CRYZL1: variants seen among roughly 807,000 people sequenced by gnomAD.
The protein encoded by CRYZL1 is ferry endosomal RAB5 effector complex subunit 4.
Under a neutral mutation model 50.6 loss-of-function variants are expected in CRYZL1, and 34 were observed. That is an observed-to-expected ratio of 0.67 (90% CI 0.51 to 0.89). The LOEUF is 0.89. CRYZL1 is among the 40% of genes least tolerant of loss of function. The probability of loss-of-function intolerance (pLI) is 0.00; values close to 1 mark genes in which losing one functional copy is unlikely to be tolerated. For missense variants in CRYZL1, 354 were observed against 402.3 expected, an observed-to-expected ratio of 0.88 and a Z score of 1.03; for synonymous variants, 125 against 134.3, an observed-to-expected ratio of 0.93 and a Z score of 0.48.
At chr21:33,617,944 C>A in intron 4 of CRYZL1, among the ~76,000 whole-genome samples, 1 of 152,116 alleles carries the variant, frequency 6.6e-6, no homozygotes, top group East Asian at 1.9e-4. Flanking sequence ...GTTAAAATTA[C>A]TTTGATTTGG....
intron 1 of CRYZL1, among the ~76,000 whole-genome samples, chr21:33,632,671 C>T (rs978239611): frequency 2.0e-5 from 3 of 152,186 alleles, no homozygotes; most frequent in Non-Finnish European, 4.4e-5. Context: ...AGTCACCGCG[C>T]CCGGCTCTGT....
Position 33,612,971 on chromosome 21 carries a change from G to A in CRYZL1, c.331+567C>T, listed in dbSNP as rs115998839. Among the ~76,000 whole-genome samples the A allele has an allele frequency of 2.6e-3, 388 of 152,052 alleles. 1 individual carries two copies. The highest frequency in any genetic ancestry group is 8.0e-3 in the African/African-American group (331 of 41,468). On this transcript the variant is annotated intron_variant, in intron 6 of 12. Coordinates refer to ENST00000381554, the MANE Select transcript of CRYZL1 (RefSeq NM_145858.3). ...CCTGAGTAGCTGGAATTATAGGTGC[G>A]TGTCACCACACCCAGCTAATTTTTT...
intron 8 of CRYZL1, 38 bp downstream of exon 8, chr21:33,602,179 GTGATTTTCCTTCAAAAT>G: frequency 1.0e-6 from 1 of 980,354 alleles, no homozygotes; most frequent in South Asian, 1.3e-5. Flanking sequence ...ATTTTTAAAG[GTGATTTTCCTTCAAAAT>G]TTCCTGTTTT....
At chr21:33,626,205 T>G (rs1236690715) in intron 2 of CRYZL1, among the ~76,000 whole-genome samples, 2 of 151,958 alleles carry the variant, frequency 1.3e-5, no homozygotes, top group Non-Finnish European at 2.9e-5. Context: ...GTGATCTGCC[T>G]GCCTTGGCCT....
intron 4 of CRYZL1, among the ~76,000 whole-genome samples, chr21:33,620,569 G>C (rs1406202789): frequency 6.6e-6 from 1 of 151,758 alleles, no homozygotes; most frequent in East Asian, 1.9e-4. Flanking sequence ...CCAGCACTTT[G>C]GGAGGCCGAT....
At position 33,613,595 on chromosome 21, in the gene CRYZL1, G is replaced by C. The variant is rs147398519; in HGVS notation, c.274C>G (p.Leu92Val). 1 of 1,612,090 alleles carries C rather than the reference G, an allele frequency of 6.2e-7. No individual in the cohort carries two copies. The highest frequency in any genetic ancestry group is 2.2e-5 in the East Asian group (1 of 44,856). ...PDDEVVGILP[L>V]DSEDPGLCEV... ...CAAAGTCCAGGGTCTTCAGAGTCCAGGGGCAAAATTCCTAAAAATCAAAAC... is the reference window on the plus strand; with the variant it reads ...CAAAGTCCAGGGTCTTCAGAGTCCACGGGCAAAATTCCTAAAAATCAAAAC... The change falls in exon 6 of 13, where the codon CTG (leucine) becomes GTG (valine). Residue 92 changes from leucine (L) to valine (V), a missense_variant. Transcript: ENST00000381554.
At chr21:33,637,559 A>G (rs2087223430) in intron 1 of CRYZL1, among the ~76,000 whole-genome samples, 1 of 151,372 alleles carries the variant, frequency 6.6e-6, no homozygotes, top group Non-Finnish European at 1.5e-5. Context: ...CCCTCATTCA[A>G]CTCATCTATT....
At chr21:33,632,625 G>A (rs535393320) in intron 1 of CRYZL1, among the ~76,000 whole-genome samples, 1 of 152,054 alleles carries the variant, frequency 6.6e-6, no homozygotes, top group African/African-American at 2.4e-5. Context: ...TGATCCACCC[G>A]CCTCGGCCTC....
At position 33,590,017 on chromosome 21, in the gene CRYZL1, G is replaced by C; in HGVS notation, c.951-96C>G. On this transcript the variant is annotated intron_variant, in intron 12 of 12. Transcript: ENST00000381554. ...CAAATGCTAGTGCTCAAATCTATTA[G>C]TGTATTAATTAATTTTTTGAGACAG... is the stretch of plus-strand genomic sequence containing the variant. 6.0e-6 allele frequency: 4 copies of C among 665,106 alleles called. No individual in the cohort carries two copies. In the Admixed American group the frequency reaches 9.6e-5, roughly 16 times the overall value. 41.2% of individuals were successfully genotyped at this position (665,106 alleles called of 1,614,324 possible). A position where few individuals can be genotyped will look rare whatever the true frequency, so the allele number is the denominator to read the frequency against.
At chr21:33,597,452 T>A in intron 9 of CRYZL1, 51 bp from the exon 10 acceptor site, 1 of 1,349,632 alleles carries the variant, frequency 7.4e-7, no homozygotes, top group South Asian at 1.2e-5. Context: ...ATATATTTTA[T>A]AATAATCTGA....
chr21:33,596,364 G>T (rs560130126), intron 10 of CRYZL1, among the ~76,000 whole-genome samples: 1 of 151,844 alleles, frequency 6.6e-6, no homozygotes, highest in Non-Finnish European at 1.5e-5. Flanking sequence ...TCATGCCAGC[G>T]TGGTGGCTCA....
intron 1 of CRYZL1, chr21:33,641,183 C>G: frequency 6.4e-7 from 1 of 1,550,444 alleles, no homozygotes; most frequent in South Asian, 1.2e-5. Flanking sequence ...GCTTACATCT[C>G]GCTCCAGATG....
chr21:33,606,129 G>A (rs937524096), intron 6 of CRYZL1, among the ~76,000 whole-genome samples: 16 of 152,092 alleles, frequency 1.1e-4, no homozygotes, highest in African/African-American at 7.3e-5. Context: ...CCAATTTTAC[G>A]GATGATGAAA....
intron 6 of CRYZL1, among the ~76,000 whole-genome samples, chr21:33,604,227 C>T (rs1008639816): frequency 8.5e-5 from 13 of 152,088 alleles, no homozygotes; most frequent in Non-Finnish European, 1.5e-4. Flanking sequence ...TGGTGGCGGG[C>T]GCCTGTATTC....
intron 1 of CRYZL1, among the ~76,000 whole-genome samples, chr21:33,634,903 AT>A (rs1254996915): frequency 8.0e-5 from 12 of 149,462 alleles, no homozygotes; most frequent in Non-Finnish European, 1.5e-4. Context: ...ATATATATAT[AT>A]AAAATAATGG....
intron 11 of CRYZL1, among the ~76,000 whole-genome samples, chr21:33,591,913 AGCACT>A (rs1168183675): frequency 6.6e-6 from 1 of 151,632 alleles, no homozygotes; most frequent in Non-Finnish European, 1.5e-5. Context: ...AGCTGGAATG[AGCACT>A]GCACTCCAGC....
chr21:33,636,766 C>T (rs1379019126), intron 1 of CRYZL1, among the ~76,000 whole-genome samples: 1 of 152,174 alleles, frequency 6.6e-6, no homozygotes, highest in Admixed American at 6.5e-5. Flanking sequence ...GCAACATGAA[C>T]TCCACTTGCT....
chr21:33,633,259 CTT>C (rs2087161848), intron 1 of CRYZL1, among the ~76,000 whole-genome samples: 1 of 152,044 alleles, frequency 6.6e-6, no homozygotes, highest in South Asian at 2.1e-4. Flanking sequence ...GAAAGTGAGT[CTT>C]AGCTTAAAGC....
chr21:33,622,736 G>A (rs896624895), intron 3 of CRYZL1, among the ~76,000 whole-genome samples: 1 of 152,020 alleles, frequency 6.6e-6, no homozygotes, highest in African/African-American at 2.4e-5. Flanking sequence ...TAAGCTCCTG[G>A]CACTTAACAC....
Sources: gnomAD v4.1 joint callset for allele counts (sites outside exome capture counted in the v4.1 genomes callset) on GRCh38, gnomAD v4.1.1 for gene constraint, MANE v1.5 for transcripts, NCBI Gene and HGNC (gene_info 2026-07-23, HGNC 2026-07-21) for gene names.